PTPRD: variants seen among roughly 807,000 people sequenced by gnomAD.
PTPRD encodes the protein receptor-type tyrosine-protein phosphatase delta.
In PTPRD, 34 loss-of-function variants were observed where a neutral mutation model predicts 214.5. That is an observed-to-expected ratio of 0.16 (90% CI 0.12 to 0.21). The LOEUF is 0.21. Among genes scored for constraint, PTPRD ranks in the 10% least tolerant of loss-of-function variants. The probability of loss-of-function intolerance (pLI) is 1.00; values close to 1 mark genes in which losing one functional copy is unlikely to be tolerated. For missense variants in PTPRD, 2,545 were observed against 2,398.7 expected (o/e 1.06, Z -1.27); for synonymous variants, 1,128 against 845.7 (o/e 1.33, Z -5.79).
chr9:10,346,168 G>A (rs1401611894), intron 2 of PTPRD, among the ~76,000 whole-genome samples: 1 of 152,184 alleles, frequency 6.6e-6, no homozygotes, highest in Non-Finnish European at 1.5e-5. Flanking sequence ...ATGTTTCCAT[G>A]TAAAAATTGG....
At chr9:9,391,410 T>C (rs2065801727) in intron 9 of PTPRD, among the ~76,000 whole-genome samples, 1 of 152,192 alleles carries the variant, frequency 6.6e-6, no homozygotes, top group Admixed American at 6.6e-5. Flanking sequence ...AAAACATGAA[T>C]GCCACTAGGT....
At chr9:9,947,533 T>TTTTATATATATTATATATATATTA (rs2092884262) in intron 4 of PTPRD, among the ~76,000 whole-genome samples, 7 of 17,544 alleles carry the variant, frequency 4.0e-4, no homozygotes, top group Non-Finnish European at 5.5e-4. Flanking sequence ...TATATATATT[T>TTTTATATATATTATATATATATTA]TATATATAAT....
At chr9:9,855,958 C>T (rs1238030028) in intron 5 of PTPRD, among the ~76,000 whole-genome samples, 2 of 152,198 alleles carry the variant, frequency 1.3e-5, no homozygotes, top group Non-Finnish European at 2.9e-5. Flanking sequence ...ATCCTGTATC[C>T]TCACTTGTGG....
chr9:10,592,531 A>G (rs1317361721), intron 2 of PTPRD, among the ~76,000 whole-genome samples: 1 of 151,972 alleles, frequency 6.6e-6, no homozygotes, highest in Non-Finnish European at 1.5e-5. Flanking sequence ...TAGGTGGCCA[A>G]GCAGTGGTTC....
At chr9:10,421,520 A>G (rs981164827) in intron 2 of PTPRD, among the ~76,000 whole-genome samples, 5 of 151,882 alleles carry the variant, frequency 3.3e-5, no homozygotes, top group African/African-American at 4.8e-5. Flanking sequence ...ATTTTTACTG[A>G]GCCAGTTTAA....
At chr9:8,844,152 T>C (rs115748227) in intron 11 of PTPRD, among the ~76,000 whole-genome samples, 2,620 of 152,310 alleles carry the variant, frequency 0.017, 66 homozygotes, top group African/African-American at 0.06. Context: ...AAAGGTCATT[T>C]ATTTCCCCTT....
At chr9:9,338,741 G>A (rs925842610) in intron 9 of PTPRD, among the ~76,000 whole-genome samples, 1 of 151,816 alleles carries the variant, frequency 6.6e-6, no homozygotes, top group African/African-American at 2.4e-5. Context: ...TGTGCAGAAC[G>A]TGCAGGTTTG....
At chr9:8,890,321 T>A (rs1313762961) in intron 11 of PTPRD, among the ~76,000 whole-genome samples, 2 of 152,210 alleles carry the variant, frequency 1.3e-5, no homozygotes, top group African/African-American at 4.8e-5. Flanking sequence ...CCAGGCTTAA[T>A]GTGCTAGGAA....
intron 9 of PTPRD, among the ~76,000 whole-genome samples, chr9:9,382,633 T>C (rs1219013710): frequency 6.6e-6 from 1 of 151,964 alleles, no homozygotes; most frequent in Non-Finnish European, 1.5e-5. Context: ...ATGGTTTTAT[T>C]GAGAAAGAGA....
chr9:8,361,063 AC>A (rs1337054707), intron 39 of PTPRD, among the ~76,000 whole-genome samples: 1 of 152,154 alleles, frequency 6.6e-6, no homozygotes, highest in Non-Finnish European at 1.5e-5. Context: ...ACTTCTTATA[AC>A]CCAGAATAGG....
chr9:9,613,629 C>A (rs1284511692), intron 7 of PTPRD, among the ~76,000 whole-genome samples: 2 of 152,124 alleles, frequency 1.3e-5, no homozygotes, highest in African/African-American at 4.8e-5. Context: ...TTATTTGGAT[C>A]TCACTAATAT....
intron 3 of PTPRD, among the ~76,000 whole-genome samples, chr9:10,143,302 A>AAT (rs4008065): frequency 6.7e-6 from 1 of 150,372 alleles, no homozygotes; most frequent in African/African-American, 2.4e-5. Flanking sequence ...AATAAAATAA[A>AAT]AAAATAAATG....
rs779537226 is a variant in PTPRD, at chr9:8,460,515, C to A, written c.3771G>T (p.Pro1257=). 2 of 1,613,500 alleles carry A rather than the reference C, an allele frequency of 1.2e-6. No individual in the cohort carries two copies. Among genetic ancestry groups the A allele is most frequent in the South Asian group, 1.1e-5 (1 of 91,068 alleles). The change falls in exon 33 of 46, where the codon CCG becomes CCT. Residue 1257 remains proline (P), a synonymous_variant. Transcript: ENST00000381196. ...CTTCTTCTTCATCCGTGATTGGCTG[C>A]GGATCCAGATCCATTGACACCACGG... ...SDPVVSMDLD[P]QPITDEEEGL...
chr9:8,519,193 T>G (rs2097845013), intron 20 of PTPRD, among the ~76,000 whole-genome samples: 1 of 152,182 alleles, frequency 6.6e-6, no homozygotes, highest in African/African-American at 2.4e-5. Flanking sequence ...CACCAATCAC[T>G]TTTTAAGGTA....
chr9:10,540,690 G>C (rs919736583), intron 2 of PTPRD, among the ~76,000 whole-genome samples: 4 of 152,046 alleles, frequency 2.6e-5, no homozygotes, highest in African/African-American at 9.7e-5. Flanking sequence ...ATTTTTCCCT[G>C]CTCAAAAAGA....
chr9:9,382,165 A>G (rs1035349193), intron 9 of PTPRD, among the ~76,000 whole-genome samples: 6 of 151,290 alleles, frequency 4.0e-5, no homozygotes, highest in South Asian at 2.1e-4. Flanking sequence ...TTTTTTCTTA[A>G]TTTTCTTTTT....
At chr9:8,943,026 A>G (rs2154296295) in intron 11 of PTPRD, among the ~76,000 whole-genome samples, 1 of 152,290 alleles carries the variant, frequency 6.6e-6, no homozygotes, top group South Asian at 2.1e-4. Context: ...AAATCAAGAA[A>G]GTAACCTTAT....
intron 7 of PTPRD, among the ~76,000 whole-genome samples, chr9:9,683,583 A>G (rs1047501269): frequency 1.3e-5 from 2 of 151,748 alleles, no homozygotes; most frequent in Non-Finnish European, 2.9e-5. Flanking sequence ...GAAAGGAAAA[A>G]GGGGACTAAT....
chr9:10,189,997 C>T (rs1244438101), intron 3 of PTPRD, among the ~76,000 whole-genome samples: 1 of 152,028 alleles, frequency 6.6e-6, no homozygotes, highest in Non-Finnish European at 1.5e-5. Context: ...AAGAGGACAC[C>T]AGAATCCAAA....
Sources: allele counts gnomAD v4.1 joint callset (sites outside exome capture counted in the v4.1 genomes callset), GRCh38; gene constraint gnomAD v4.1.1; transcripts MANE v1.5; gene names NCBI Gene and HGNC (gene_info 2026-07-23, HGNC 2026-07-21).